The following EPC2 variants were observed in gnomAD, a reference collection of about 807,000 sequenced individuals.
EPC2 encodes enhancer of polycomb 2.
Under a neutral mutation model 92.1 loss-of-function variants are expected in EPC2, and 14 were observed. That is an observed-to-expected ratio of 0.15 (90% CI 0.10 to 0.24). The LOEUF is 0.24. EPC2 is among the 10% of genes least tolerant of loss of function. The pLI is 1.00. For missense variants in EPC2, 755 were observed against 971.5 expected (o/e 0.78, Z 2.96); for synonymous variants, 340 against 334.7 (o/e 1.02, Z -0.17).
chr2:148,674,743 T>A (rs1354770664), intron 1 of EPC2, among the ~76,000 whole-genome samples: 1 of 152,232 alleles, frequency 6.6e-6, no homozygotes, highest in Non-Finnish European at 1.5e-5. Context: ...CTTATGGCCT[T>A]TTAAACCCAT....
Position 148,742,797 on chromosome 2 carries a change from A to AG in EPC2, c.314-825_314-824insG, listed in dbSNP as rs1294272066. Among the ~76,000 whole-genome samples, 2 of 151,850 alleles carry AG rather than the reference A, an allele frequency of 1.3e-5. 1 individual carries two copies. Among genetic ancestry groups the AG allele is most frequent in the Admixed American group, 1.3e-4 (2 of 15,236 alleles). Reference sequence around the variant, plus strand: ...GAGACCTTGCCTCAAAAAAAAAAAAAAAAGAAAAATCATTGATATTTATTC... The same window carrying AG: ...GAGACCTTGCCTCAAAAAAAAAAAAAGAAAGAAAAATCATTGATATTTATTC... On this transcript the variant is annotated intron_variant, in intron 2 of 13. Transcript: ENST00000258484.
intron 10 of EPC2, among the ~76,000 whole-genome samples, chr2:148,774,624 T>TATTATATATATATATCTATA: frequency 7.5e-6 from 1 of 132,614 alleles, no homozygotes; most frequent in East Asian, 2.6e-4. Flanking sequence ...AAAATATATT[T>TATTATATATATATATCTATA]TATATATATA....
Position 148,730,284 on chromosome 2 carries a change from A to G in EPC2, c.314-13338A>G, listed in dbSNP as rs549212988. On this transcript the variant is annotated intron_variant, in intron 2 of 13. Coordinates refer to ENST00000258484, the MANE Select transcript of EPC2 (RefSeq NM_015630.4). The stretch of plus-strand genomic sequence containing the variant: ...TCAGAACTTTGGAGAGCTCCAAGCA[A>G]AGGAGATTATGGTGCTTGGGTTGCT... Among the ~76,000 whole-genome samples the G allele has an allele frequency of 3.3e-5, 5 of 152,302 alleles. 1 individual carries two copies. In the South Asian group the frequency reaches 1.0e-3, roughly 32 times the overall value.
intron 1 of EPC2, among the ~76,000 whole-genome samples, chr2:148,651,016 A>G (rs1170966620): frequency 6.6e-6 from 1 of 152,224 alleles, no homozygotes; most frequent in Non-Finnish European, 1.5e-5. Context: ...AGCAAAAACT[A>G]CAGGGTTAAG....
intron 1 of EPC2, among the ~76,000 whole-genome samples, chr2:148,670,061 A>G (rs79855866): frequency 6.6e-6 from 1 of 152,196 alleles, no homozygotes; most frequent in African/African-American, 2.4e-5. Flanking sequence ...ACTCTGTCCT[A>G]TGAACCTTAG....
intron 1 of EPC2, among the ~76,000 whole-genome samples, chr2:148,649,594 T>G (rs547300767): frequency 3.7e-4 from 57 of 152,204 alleles, no homozygotes; most frequent in Non-Finnish European, 7.2e-4. Context: ...TTGTTTCCAG[T>G]TTTTGATTAT....
chr2:148,646,398 T>G (rs1433882198), intron 1 of EPC2, among the ~76,000 whole-genome samples: 1 of 152,198 alleles, frequency 6.6e-6, no homozygotes, highest in African/African-American at 2.4e-5. Context: ...AAGTCTTACA[T>G]TTTCAGTAGA....
chr2:148,770,110 A>G (rs978020397), intron 8 of EPC2, among the ~76,000 whole-genome samples: 3 of 152,130 alleles, frequency 2.0e-5, no homozygotes, highest in South Asian at 2.1e-4. Context: ...CAATGGTGCA[A>G]TCATACAGTT....
intron 1 of EPC2, among the ~76,000 whole-genome samples, chr2:148,667,294 T>G (rs1681074398): frequency 6.6e-6 from 1 of 152,196 alleles, no homozygotes; most frequent in South Asian, 2.1e-4. Flanking sequence ...CCAAGTTGGA[T>G]GTGTGGCAGG....
chr2:148,757,673 A>G (rs1683218828), intron 4 of EPC2, among the ~76,000 whole-genome samples: 1 of 151,878 alleles, frequency 6.6e-6, no homozygotes, highest in Non-Finnish European at 1.5e-5. Flanking sequence ...CCTCATCTCT[A>G]CTAAAAATAC....
chr2:148,745,191 A>G (rs16829220), intron 3 of EPC2, among the ~76,000 whole-genome samples: 26,748 of 151,940 alleles, frequency 0.18, 3,151 homozygotes, highest in East Asian at 0.49. Context: ...TGGGATTTTA[A>G]TCGCAGGCAT....
rs1683835880 is a variant in EPC2, at chr2:148,784,963, A to G, written c.2313A>G (p.Pro771=). The G allele has an allele frequency of 5.8e-6, 9 of 1,544,474 alleles. No individual in the cohort carries two copies. Among genetic ancestry groups the G allele is most frequent in the Non-Finnish European group, 7.9e-6 (9 of 1,144,106 alleles). Residue 771 remains proline, a synonymous_variant, in exon 13 of 14, where the codon CCA becomes CCG. Coordinates refer to ENST00000258484, the MANE Select transcript of EPC2 (RefSeq NM_015630.4). ...TTGCTGCCAGTATGGACAGAGTGCC[A>G]AAGGTTACTCCCAGCAGTGCCATCA... is the stretch of plus-strand genomic sequence containing the variant. ...ATVAASMDRV[P]KVTPSSAISS...
Position 148,764,958 on chromosome 2 carries a change from C to T in EPC2, c.952C>T (p.Pro318Ser). Reference protein sequence around the residue: ...HKVQECKTKHPHHLSLKEEAS... With the variant: ...HKVQECKTKHSHHLSLKEEAS... ...GGAAAAATCGTCATGTAAACAGCAC[C>T]CTCATCATTTGTCTTTGAAAGAAGA... The change falls in exon 7 of 14, where the codon CCT (proline) becomes TCT (serine). Residue 318 changes from proline to serine, a missense_variant. By Grantham distance (74) the Pro-to-Ser change is moderately conservative (BLOSUM62 -1). This residue lies in a region of EPC2 where 509 missense variants were observed against 607.7 expected (regional missense o/e 0.84). Transcript: ENST00000258484. 6.5e-7 allele frequency: 1 copy of T among 1,536,014 alleles called. No homozygotes were observed. Among genetic ancestry groups the T allele is most frequent in the Non-Finnish European group, 8.8e-7 (1 of 1,142,190 alleles).
chr2:148,653,554 TCTC>T (rs1321574120), intron 1 of EPC2, among the ~76,000 whole-genome samples: 1 of 152,244 alleles, frequency 6.6e-6, no homozygotes, highest in African/African-American at 2.4e-5. Context: ...ACTTCCAGTT[TCTC>T]CTCAGCAGTT....
At chr2:148,702,941 C>T (rs1389245232) in intron 2 of EPC2, among the ~76,000 whole-genome samples, 1 of 152,072 alleles carries the variant, frequency 6.6e-6, no homozygotes, top group Admixed American at 6.6e-5. Context: ...AAAGATTGGA[C>T]ACCTCTGCCC....
chr2:148,733,996 T>G (rs1682699718), intron 2 of EPC2, among the ~76,000 whole-genome samples: 1 of 152,174 alleles, frequency 6.6e-6, no homozygotes, highest in East Asian at 1.9e-4. Flanking sequence ...ACTTTTCTTT[T>G]CCAAGAAAAT....
intron 10 of EPC2, among the ~76,000 whole-genome samples, chr2:148,778,098 A>G (rs568733402): frequency 2.7e-4 from 41 of 152,296 alleles, no homozygotes; most frequent in Non-Finnish European, 4.7e-4. Context: ...TGGAGTATTG[A>G]AATACTCCTA....
intron 1 of EPC2, among the ~76,000 whole-genome samples, chr2:148,670,926 C>T (rs1681141923): frequency 2.0e-5 from 3 of 152,172 alleles, no homozygotes. Context: ...GCTAAGCAGT[C>T]TTCCTTTCTC....
intron 13 of EPC2, 134 bp from the exon 14 acceptor site, chr2:148,786,171 C>T (rs1459054510): frequency 4.4e-6 from 3 of 684,194 alleles, no homozygotes; most frequent in Non-Finnish European, 7.0e-6. Context: ...CTAGAAATGG[C>T]AAAAATGGGA....
Sources: allele counts gnomAD v4.1 joint callset (sites outside exome capture counted in the v4.1 genomes callset), GRCh38; gene constraint gnomAD v4.1.1; regional missense constraint gnomAD v4.1.1; transcripts MANE v1.5; gene names NCBI Gene and HGNC (gene_info 2026-07-23, HGNC 2026-07-21).